The following OSBPL5 variants were observed in gnomAD, a reference collection of about 807,000 sequenced individuals.
OSBPL5 encodes the protein oxysterol binding protein like 5.
Under a neutral mutation model 111.2 loss-of-function variants are expected in OSBPL5, and 71 were observed. The observed-to-expected ratio is 0.64, with a 90% CI of 0.53 to 0.78. OSBPL5 has a LOEUF of 0.78. Among genes scored for constraint, OSBPL5 ranks in the 30% least tolerant of loss-of-function variants. The pLI, the probability that OSBPL5 is intolerant of heterozygous loss-of-function variation, is 0.00. For synonymous variants in OSBPL5, 549 were observed against 513.9 expected (o/e 1.07, Z -0.93); for missense variants, 1,210 against 1,189.3 (o/e 1.02, Z -0.26).
chr11:3,102,217 T>C lies in OSBPL5; in HGVS notation c.1391A>G (p.Gln464Arg). 4 of 1,608,954 alleles carry C rather than the reference T, an allele frequency of 2.5e-6. No homozygotes were observed. The South Asian group carries it at 3.3e-5, about 13-fold the overall frequency. ...TATGTAGAATGTGCGGCTGTCAGTC[T>C]GCGGGTGGAACCAGCAGCAGCGGAA... Reference protein sequence around the residue: ...ETFRCCWFHPQTDSRTFYIAE... With the variant: ...ETFRCCWFHPRTDSRTFYIAE... Residue 464 changes from glutamine (Q) to arginine (R), a missense_variant, in exon 12 of 22, where the codon CAG (glutamine) becomes CGG (arginine). By Grantham distance (43) the Gln-to-Arg change is conservative. Coordinates refer to ENST00000263650, the MANE Select transcript of OSBPL5 (RefSeq NM_020896.4).
chr11:3,120,428 G>A lies in OSBPL5; in HGVS notation c.599C>T (p.Ala200Val). ...LFHPLDQSVWAVKGPKGESVG... is the reference protein window; with the variant it reads ...LFHPLDQSVWVVKGPKGESVG... ...CCCACCCCTCCGCAGCACCTTCACG[G>A]CCCAGACGGACTGATCCAGCGGGTG... is the stretch of plus-strand genomic sequence containing the variant. The change falls in exon 6 of 22, where the codon GCC (alanine) becomes GTC (valine). Residue 200 changes from alanine to valine, a missense_variant. Transcript: ENST00000263650. 1 of 1,612,684 alleles carries A rather than the reference G, an allele frequency of 6.2e-7. No individual in the cohort carries two copies. The highest frequency in any genetic ancestry group is 8.5e-7 in the Non-Finnish European group (1 of 1,179,788).
At chr11:3,117,696 A>G (rs891722926) in intron 7 of OSBPL5, among the ~76,000 whole-genome samples, 2 of 152,192 alleles carry the variant, frequency 1.3e-5, no homozygotes, top group African/African-American at 4.8e-5. Flanking sequence ...TGAAATCCTA[A>G]TTTTTGTTGG....
At position 3,122,070 on chromosome 11, in the gene OSBPL5, T is replaced by C; in HGVS notation, c.329A>G (p.Lys110Arg). 1 of 1,579,122 alleles carries C rather than the reference T, an allele frequency of 6.3e-7. No homozygotes were observed. Among genetic ancestry groups the C allele is most frequent in the East Asian group, 2.3e-5 (1 of 43,790 alleles). Reference sequence around the variant, plus strand: ...GAGCAGCTGCCGTGTGGCGCGCTTCTTCTCCTGCCGGTAGTTCTCCTTCTG... The same window carrying C: ...GAGCAGCTGCCGTGTGGCGCGCTTCCTCTCCTGCCGGTAGTTCTCCTTCTG... The part of the protein sequence containing the change: ...KAQKENYRQE[K>R]KRATRQLLSA... The change falls in exon 5 of 22, where the codon AAG (lysine) becomes AGG (arginine). Residue 110 changes from lysine to arginine, a missense_variant. Physicochemically the swap from Lys to Arg is conservative, Grantham distance 26. Coordinates refer to ENST00000263650, the MANE Select transcript of OSBPL5 (RefSeq NM_020896.4).
intron 3 of OSBPL5, among the ~76,000 whole-genome samples, chr11:3,124,762 A>G (rs1858545370): frequency 6.6e-6 from 1 of 151,992 alleles, no homozygotes; most frequent in Non-Finnish European, 1.5e-5. Flanking sequence ...CTGCCCATTC[A>G]CACCGGCAGC....
At chr11:3,132,009 G>GCATC (rs57904462) in intron 1 of OSBPL5, among the ~76,000 whole-genome samples, 6,549 of 40,044 alleles carry the variant, frequency 0.16, 656 homozygotes, top group African/African-American at 0.18. Flanking sequence ...TCCCTTTCAG[G>GCATC]CATCCATCCA....
rs762659877 is a variant in OSBPL5, at chr11:3,090,716, C to A, written c.2260-20G>T. 1.2e-6 allele frequency: 2 copies of A among 1,601,512 alleles called. No homozygotes were observed. The highest frequency in any genetic ancestry group is 2.2e-5 in the South Asian group (2 of 89,834). Reference sequence around the variant, plus strand: ...AGACCTCTGCAGAGAAATGGAGCTGCTGCAGCTGAAAGCCACCCACGCCCC... The same window carrying A: ...AGACCTCTGCAGAGAAATGGAGCTGATGCAGCTGAAAGCCACCCACGCCCC... On this transcript the variant is annotated intron_variant, in intron 19 of 21. Coordinates refer to ENST00000263650, the MANE Select transcript of OSBPL5 (RefSeq NM_020896.4).
chr11:3,092,334 G>A lies in OSBPL5; in HGVS notation c.2259+98C>T. Reference sequence around the variant, plus strand: ...GGGGGATGAGGGCGTGAGGGAAACGGAGCGAGGGGAAGGGAGGAGTGAGGT... The same window carrying A: ...GGGGGATGAGGGCGTGAGGGAAACGAAGCGAGGGGAAGGGAGGAGTGAGGT... On this transcript the variant is annotated intron_variant, in intron 19 of 21. Transcript: ENST00000263650. The surrounding 1 kb of genome is among the most constrained non-coding windows in gnomAD (Gnocchi z 5.4). 7.1e-7 allele frequency: 1 copy of A among 1,418,438 alleles called. No individual in the cohort carries two copies. Among genetic ancestry groups the A allele is most frequent in the Non-Finnish European group, 9.3e-7 (1 of 1,074,466 alleles). 87.9% of individuals were successfully genotyped at this position (1,418,438 alleles called of 1,614,324 possible).
In OSBPL5 at chr11:3,126,351, C is replaced by T; in HGVS notation, c.219+122G>A. On this transcript the variant is annotated intron_variant, in intron 3 of 21. Coordinates refer to ENST00000263650, the MANE Select transcript of OSBPL5 (RefSeq NM_020896.4). This position sits in a 1 kb window ranked among gnomAD's most constrained non-coding sequence, Gnocchi z 6.5. ...CACAGTCTAGGATTGGGAGCTGTTT[C>T]CCCCGAACAGGCTGGAATGGCAGGC... 3.5e-6 allele frequency: 3 copies of T among 853,210 alleles called. No homozygotes were observed. Among genetic ancestry groups the T allele is most frequent in the Admixed American group, 3.2e-5 (1 of 31,206 alleles). The allele number at this position is 853,210 out of a possible 1,614,324, so 52.9% of individuals were successfully genotyped here. A position where few individuals can be genotyped will look rare whatever the true frequency, so the allele number is the denominator to read the frequency against.
chr11:3,097,022 G>GGAGAGGAAAGGGGGGAAGACGGGA, intron 14 of OSBPL5, among the ~76,000 whole-genome samples: 1 of 4,114 alleles, frequency 2.4e-4, no homozygotes, highest in Non-Finnish European at 4.5e-4. Flanking sequence ...AGACGGGAGG[G>GGAGAGGAAAGGGGGGAAGACGGGA]GGAGGAGAGG....
chr11:3,156,221 C>G (rs184307563), intron 1 of OSBPL5, among the ~76,000 whole-genome samples: 38 of 152,266 alleles, frequency 2.5e-4, no homozygotes, highest in African/African-American at 8.7e-4. Context: ...CCCAAGGAAA[C>G]CGGAACGCTT....
At chr11:3,131,591 T>C (rs111210515) in intron 1 of OSBPL5, among the ~76,000 whole-genome samples, 3,001 of 126,404 alleles carry the variant, frequency 0.024, 167 homozygotes, top group African/African-American at 0.088. Flanking sequence ...ATCCACCCAT[T>C]CATCCATCCA....
At chr11:3,097,040 GAAGACA>G (rs1294137488) in intron 14 of OSBPL5, among the ~76,000 whole-genome samples, 1 of 32,214 alleles carries the variant, frequency 3.1e-5, no homozygotes, top group African/African-American at 1.3e-4. Context: ...AGGAAAGAGG[GAAGACA>G]GGAGAAGGAG....
At position 3,165,125 on chromosome 11, in the gene OSBPL5, G is replaced by T. The variant is rs1306595682; in HGVS notation, c.-22+91C>A. 1 of 150,638 alleles carries T rather than the reference G, an allele frequency of 6.6e-6. No homozygotes were observed. The highest frequency in any genetic ancestry group is 2.4e-5 in the African/African-American group (1 of 41,268). The allele number at this position is 150,638 out of a possible 1,614,324, so 9.3% of individuals were successfully genotyped here. On this transcript the variant is annotated intron_variant, in intron 1 of 21. Transcript: ENST00000263650. This position sits in a 1 kb window ranked among gnomAD's most constrained non-coding sequence, Gnocchi z 7.4. ...GCCGGCCCCCCGCGGCCCTCGGTTC[G>T]CTCCGGCCCTGCCCGGCGGGGCCCT...
chr11:3,124,069 C>T (rs1337888431), intron 3 of OSBPL5, among the ~76,000 whole-genome samples: 3 of 152,142 alleles, frequency 2.0e-5, no homozygotes, highest in Non-Finnish European at 4.4e-5. Context: ...TGCGGTTCTG[C>T]GTTCTGTGCA....
intron 7 of OSBPL5, among the ~76,000 whole-genome samples, chr11:3,111,961 G>GCA (rs1857957814): frequency 6.7e-6 from 1 of 148,896 alleles, no homozygotes; most frequent in African/African-American, 2.5e-5. Context: ...AGCTGTGTGT[G>GCA]TGTGTGTGCA....
intron 1 of OSBPL5, among the ~76,000 whole-genome samples, chr11:3,150,267 C>T (rs151094735): frequency 7.8e-4 from 119 of 152,148 alleles, no homozygotes; most frequent in African/African-American, 2.7e-3. Flanking sequence ...GGGGAGCAGA[C>T]GGTGCTTTTC....
In OSBPL5 at chr11:3,107,759, C is replaced by T. The variant is rs759814123; in HGVS notation, c.866+12G>A. The T allele has an allele frequency of 4.3e-6, 7 of 1,610,150 alleles. No individual in the cohort carries two copies. Among genetic ancestry groups the T allele is most frequent in the South Asian group, 1.1e-5 (1 of 91,056 alleles). On this transcript the variant is annotated intron_variant, in intron 8 of 21. Coordinates refer to ENST00000263650, the MANE Select transcript of OSBPL5 (RefSeq NM_020896.4). This position sits in a 1 kb window ranked among gnomAD's most constrained non-coding sequence, Gnocchi z 6.1. ...GAATCACCACCAGCCCCTGTGCCCT[C>T]GCCCCACTCACGGGAACAGGTCTTG...
At chr11:3,115,059 T>C (rs998665108) in intron 7 of OSBPL5, among the ~76,000 whole-genome samples, 1 of 152,322 alleles carries the variant, frequency 6.6e-6, no homozygotes, top group East Asian at 1.9e-4. Context: ...TTCAACTCAT[T>C]TTCAGCTCAT....
rs890515048 is a variant in OSBPL5, at chr11:3,092,456, C to G, written c.2235G>C (p.Leu745=). Residue 745 remains leucine (L), a synonymous_variant, in exon 19 of 22, where the codon CTG becomes CTC. Transcript: ENST00000263650. This position sits in a 1 kb window ranked among gnomAD's most constrained non-coding sequence, Gnocchi z 5.4. ...CCTCGTGCCTGGGCCCTGGGCTGCC[C>G]AGGAAGGTGGTCTGGCGGGCCACGG... ...QEAVARQTTF[L]GSPGPRHERS... is the part of the protein sequence containing the mutation. 6.3e-7 allele frequency: 1 copy of G among 1,580,526 alleles called. No homozygotes were observed. The highest frequency in any genetic ancestry group is 1.2e-5 in the South Asian group (1 of 86,420).
Sources: allele counts gnomAD v4.1 joint callset (sites outside exome capture counted in the v4.1 genomes callset), GRCh38; gene constraint gnomAD v4.1.1; non-coding constraint Gnocchi (gnomAD v3.1); transcripts MANE v1.5; gene names NCBI Gene and HGNC (gene_info 2026-07-23, HGNC 2026-07-21).